Variants in SLC4A5 observed in about 807,000 individuals in gnomAD.
SLC4A5 encodes solute carrier family 4 member 5.
SLC4A5 carries 96 observed loss-of-function variants against 120.4 expected under a neutral mutation model. The observed-to-expected ratio is 0.80, with a 90% confidence interval of 0.68 to 0.94. SLC4A5 has a LOEUF of 0.94. Ranked by LOEUF, SLC4A5 falls within the 40% of genes least tolerant of loss-of-function variation. SLC4A5 has a pLI of 0.00. For missense variants in SLC4A5, 1,259 were observed against 1,459.5 expected, an observed-to-expected ratio of 0.86 and a Z score of 2.24; for synonymous variants, 550 against 571.1, an observed-to-expected ratio of 0.96 and a Z score of 0.53.
chr2:74,337,148 T>G (rs1029720930), intron 3 of SLC4A5, among the ~76,000 whole-genome samples: 1 of 152,210 alleles, frequency 6.6e-6, no homozygotes, highest in Non-Finnish European at 1.5e-5. Flanking sequence ...CTCCCTGGAC[T>G]GAGCCCCACA....
chr2:74,244,954 C>T lies in SLC4A5; in HGVS notation c.2059+2082G>A, dbSNP rs574177207. Among the ~76,000 whole-genome samples the T allele has an allele frequency of 1.1e-4, 17 of 152,266 alleles. No homozygotes were observed. The East Asian group carries it at 3.3e-3, about 29-fold the overall frequency. ...CTTCATTATGTCCCTCATAATGCAC[C>T]TTATATGATCCTATGGCCCTTGTTC... On this transcript the variant is annotated intron_variant, in intron 19 of 30. Coordinates refer to ENST00000394019, the Ensembl canonical transcript of SLC4A5.
At chr2:74,249,203 C>T (rs1670714247) in intron 17 of SLC4A5, among the ~76,000 whole-genome samples, 1 of 152,106 alleles carries the variant, frequency 6.6e-6, no homozygotes, top group Admixed American at 6.5e-5. Flanking sequence ...GGTTGAGAGC[C>T]ACTGCCAAGA....
intron 7 of SLC4A5, among the ~76,000 whole-genome samples, chr2:74,289,749 T>C (rs1036974210): frequency 1.3e-5 from 2 of 152,156 alleles, no homozygotes; most frequent in African/African-American, 2.4e-5. Context: ...TTTCTTAAAA[T>C]TGAGAAAACT....
chr2:74,262,859 T>C (rs1241828494), intron 10 of SLC4A5, among the ~76,000 whole-genome samples: 1 of 152,144 alleles, frequency 6.6e-6, no homozygotes, highest in Non-Finnish European at 1.5e-5. Flanking sequence ...TTACTTAAAC[T>C]CTCTGTGCCT....
chr2:74,228,307 C>T (rs1354642352), intron 25 of SLC4A5, among the ~76,000 whole-genome samples: 5 of 152,174 alleles, frequency 3.3e-5, no homozygotes, highest in African/African-American at 4.8e-5. Flanking sequence ...TCTACATCAG[C>T]AGCGAGTACC....
chr2:74,337,683 G>A (rs1673526321), intron 3 of SLC4A5, among the ~76,000 whole-genome samples: 1 of 152,154 alleles, frequency 6.6e-6, no homozygotes, highest in African/African-American at 2.4e-5. Flanking sequence ...CATTCGCAGG[G>A]CTCAGCACAT....
At chr2:74,227,488 AAG>A in intron 26 of SLC4A5, 10 of 1,603,196 alleles carry the variant, frequency 6.2e-6, no homozygotes, top group South Asian at 1.1e-5. Flanking sequence ...TGCCTTAGGG[AAG>A]AGAGAGAGGT....
At chr2:74,328,126 G>C (rs1673262672) in exon 5 of SLC4A5, 1 of 985,698 alleles carries the variant, frequency 1.0e-6, no homozygotes, top group South Asian at 4.7e-5. Flanking sequence ...TTACCTTTGT[G>C]TTCTTAGCTC....
intron 7 of SLC4A5, among the ~76,000 whole-genome samples, chr2:74,287,181 C>A (rs1183667075): frequency 3.9e-5 from 6 of 152,128 alleles, no homozygotes; most frequent in Non-Finnish European, 8.8e-5. Context: ...CTTCATGGAC[C>A]TCTACTCTTT....
chr2:74,295,945 G>A (rs1421555836), intron 7 of SLC4A5, among the ~76,000 whole-genome samples: 1 of 152,166 alleles, frequency 6.6e-6, no homozygotes, highest in Non-Finnish European at 1.5e-5. Context: ...AAAGGTGTGG[G>A]CCTATTCTAG....
At chr2:74,309,822 A>ATT (rs913645940) in intron 6 of SLC4A5, among the ~76,000 whole-genome samples, 1 of 145,722 alleles carries the variant, frequency 6.9e-6, no homozygotes, top group Non-Finnish European at 1.5e-5. Context: ...CGCCCGGCTA[A>ATT]TTTTTTTTTT....
chr2:74,264,202 G>A, exon 10 of SLC4A5: 1 of 1,614,228 alleles, frequency 6.2e-7, no homozygotes, highest in South Asian at 1.1e-5. Context: ...TGGGCTTCTT[G>A]GTTTGGTGGC....
chr2:74,333,859 A>G (rs1673423533), intron 4 of SLC4A5, among the ~76,000 whole-genome samples, 168 bp downstream of exon 4: 1 of 152,198 alleles, frequency 6.6e-6, no homozygotes, highest in African/African-American at 2.4e-5. Flanking sequence ...ACCTAGGACC[A>G]TGGCATGGGG....
intron 17 of SLC4A5, among the ~76,000 whole-genome samples, chr2:74,249,055 G>T (rs1670708447): frequency 1.3e-5 from 2 of 152,284 alleles, no homozygotes; most frequent in Non-Finnish European, 2.9e-5. Flanking sequence ...TGGAGGGTCT[G>T]TCCTGTGTAT....
At chr2:74,321,004 CAG>C (rs1673083058) in intron 5 of SLC4A5, among the ~76,000 whole-genome samples, 1 of 152,100 alleles carries the variant, frequency 6.6e-6, no homozygotes, top group South Asian at 2.1e-4. Context: ...GCAATAGAAA[CAG>C]GGTTGATATT....
chr2:74,279,310 G>T (rs974996049), intron 8 of SLC4A5, among the ~76,000 whole-genome samples: 1 of 152,158 alleles, frequency 6.6e-6, no homozygotes, highest in African/African-American at 2.4e-5. Flanking sequence ...TGCGGGAGTA[G>T]GTCCATCCTG....
rs571158608 is a variant in SLC4A5 at position 74,341,291 on chromosome 2, C to T, written c.-270+1167G>A. 1.9e-4 allele frequency among the ~76,000 whole-genome samples: 24 copies of T among 125,604 alleles called. 1 individual carries two copies. Among genetic ancestry groups the T allele is most frequent in the East Asian group, 1.7e-3 (7 of 4,098 alleles). 82.4% of individuals were successfully genotyped at this position (125,604 alleles called of 152,430 possible). ...ACTGCACTCCAGCCTAGCGACAGAG[C>T]GAGACTCCATCTCAAAAAAAAAAAA... On this transcript the variant is annotated intron_variant, in intron 2 of 30. Coordinates refer to ENST00000394019, the Ensembl canonical transcript of SLC4A5.
chr2:74,242,120 C>G (rs1373427412), intron 19 of SLC4A5, 68 bp from the exon 20 acceptor site: 1 of 1,435,642 alleles, frequency 7.0e-7, no homozygotes, highest in African/African-American at 1.4e-5. Context: ...TTCCCAACCC[C>G]TTCCCATCTC....
At chr2:74,308,426 G>T (rs546179986) in intron 6 of SLC4A5, among the ~76,000 whole-genome samples, 42 of 152,290 alleles carry the variant, frequency 2.8e-4, no homozygotes, top group African/African-American at 8.4e-4. Flanking sequence ...CATTCTAATA[G>T]GTGTTAGTGG....
Sources: gnomAD v4.1 joint callset for allele counts (sites outside exome capture counted in the v4.1 genomes callset) on GRCh38, gnomAD v4.1.1 for gene constraint, MANE v1.5 for transcripts, NCBI Gene and HGNC (gene_info 2026-07-23, HGNC 2026-07-21) for gene names.